The following VPS37C variants were observed in gnomAD, a reference collection of about 807,000 sequenced individuals.
VPS37C encodes VPS37C subunit of ESCRT-I.
VPS37C carries 9 observed loss-of-function variants against 16.1 expected under a neutral mutation model. That is an observed-to-expected ratio of 0.56 (90% CI 0.34 to 0.97). The LOEUF (loss-of-function observed/expected upper bound fraction) is 0.97. Among genes scored for constraint, VPS37C ranks in the 50% least tolerant of loss-of-function variants. VPS37C has a pLI of 0.02. For synonymous variants in VPS37C, 207 were observed against 206.4 expected (o/e 1.00, Z -0.02); for missense variants, 479 against 472.7 (o/e 1.01, Z -0.12).
rs1327649061 is a variant in VPS37C at position 61,130,961 on chromosome 11, G to A, written c.*859C>T. 3 of 350,222 alleles carry A rather than the reference G, an allele frequency of 8.6e-6. No individual in the cohort carries two copies. The highest frequency in any genetic ancestry group is 1.6e-5 in the Non-Finnish European group (3 of 183,946). The allele number at this position is 350,222 out of a possible 1,614,324, so 21.7% of individuals were successfully genotyped here. A position where few individuals can be genotyped will look rare whatever the true frequency, so the allele number is the denominator to read the frequency against. On this transcript the variant is annotated 3_prime_UTR_variant, in exon 5 of 5. Coordinates refer to ENST00000301765, the MANE Select transcript of VPS37C (RefSeq NM_017966.5). ...GGAGTGGATGGATGCGTGGGCCTCG[G>A]GCAAAGTCGCCCTAAAGTGGGGACC...
intron 1 of VPS37C, among the ~76,000 whole-genome samples, chr11:61,154,005 G>A (rs975935100): frequency 2.0e-5 from 3 of 152,238 alleles, no homozygotes; most frequent in African/African-American, 4.8e-5. Context: ...TTGGTAGTGA[G>A]GAAAAATCAG....
chr11:61,150,101 G>C (rs1432647169), intron 1 of VPS37C, among the ~76,000 whole-genome samples: 1 of 152,068 alleles, frequency 6.6e-6, no homozygotes, highest in East Asian at 1.9e-4. Flanking sequence ...AGCATTCCTA[G>C]ATCTCCACTC....
intron 1 of VPS37C, among the ~76,000 whole-genome samples, chr11:61,159,552 T>C (rs1042917712): frequency 2.6e-5 from 4 of 151,976 alleles, no homozygotes; most frequent in Admixed American, 6.6e-5. Context: ...CCTAGCACTT[T>C]GGGAGGCCAA....
intron 1 of VPS37C, among the ~76,000 whole-genome samples, chr11:61,145,811 G>T (rs568513927): frequency 6.6e-6 from 1 of 152,258 alleles, no homozygotes; most frequent in South Asian, 2.1e-4. Context: ...TGTCCTTCGG[G>T]GACCCAGAGT....
Position 61,133,494 on chromosome 11 carries a change from A to G in VPS37C, c.266-157T>C, listed in dbSNP as rs367819799. ...TGGGCTTGATGAGCACTTTTGGTCC[A>G]GTTCCTTCCTGAGCAGAGAAGGGCC... On this transcript the variant is annotated intron_variant, in intron 3 of 4. Coordinates refer to ENST00000301765, the MANE Select transcript of VPS37C (RefSeq NM_017966.5). Among the ~76,000 whole-genome samples the G allele has an allele frequency of 3.9e-5, 6 of 152,354 alleles. No homozygotes were observed. The East Asian group carries it at 9.6e-4, about 24-fold the overall frequency.
chr11:61,139,317 A>G (rs938678226), intron 1 of VPS37C, among the ~76,000 whole-genome samples: 4 of 152,158 alleles, frequency 2.6e-5, no homozygotes, highest in Non-Finnish European at 5.9e-5. Context: ...TCACTGGTTC[A>G]ACTATGTCAC....
chr11:61,147,711 G>C (rs965278316), intron 1 of VPS37C, among the ~76,000 whole-genome samples: 1 of 150,650 alleles, frequency 6.6e-6, no homozygotes, highest in African/African-American at 2.5e-5. Flanking sequence ...AAAAAAAAAA[G>C]CTGGACTGCA....
chr11:61,133,694 A>C (rs969088065), intron 3 of VPS37C, among the ~76,000 whole-genome samples: 1 of 152,144 alleles, frequency 6.6e-6, no homozygotes, highest in Non-Finnish European at 1.5e-5. Context: ...CCACCTTCAA[A>C]GGTGACAGGT....
chr11:61,147,218 G>C (rs1853226027), intron 1 of VPS37C, among the ~76,000 whole-genome samples: 1 of 152,086 alleles, frequency 6.6e-6, no homozygotes, highest in Admixed American at 6.5e-5. Flanking sequence ...CAAGAATCCT[G>C]GAGCCCCACC....
In VPS37C at chr11:61,139,750, T is replaced by TTG. The variant is rs1470430246; in HGVS notation, c.-6-916_-6-915insCA. ...GAGGTGCATTCCATAGCTTTTTTTT[T>TTG]TTTTTTTTTTTGAGACATGGTCTGG... is the stretch of plus-strand genomic sequence containing the variant. On this transcript the variant is annotated intron_variant, in intron 1 of 4. Coordinates refer to ENST00000301765, the MANE Select transcript of VPS37C (RefSeq NM_017966.5). 7.9e-5 allele frequency among the ~76,000 whole-genome samples: 12 copies of TTG among 151,290 alleles called. No homozygotes were observed. In the South Asian group the frequency reaches 1.5e-3, roughly 18 times the overall value.
chr11:61,140,783 GTAGCAGCAGCCA>G (rs1170837732), intron 1 of VPS37C, among the ~76,000 whole-genome samples: 1 of 152,218 alleles, frequency 6.6e-6, no homozygotes, highest in African/African-American at 2.4e-5. Flanking sequence ...ACAAGGAGAG[GTAGCAGCAGCCA>G]TGTCATATGC....
intron 1 of VPS37C, among the ~76,000 whole-genome samples, chr11:61,140,567 A>G (rs1861457904): frequency 6.6e-6 from 1 of 152,186 alleles, no homozygotes; most frequent in African/African-American, 2.4e-5. Flanking sequence ...CACTGACCAT[A>G]CAGGTGGCCA....
intron 1 of VPS37C, among the ~76,000 whole-genome samples, chr11:61,151,415 A>G (rs1028952794): frequency 6.6e-6 from 1 of 152,218 alleles, no homozygotes; most frequent in Non-Finnish European, 1.5e-5. Flanking sequence ...TCAGCTCTGC[A>G]GGGGAGACCC....
At chr11:61,153,038 A>AC (rs1321827552) in intron 1 of VPS37C, among the ~76,000 whole-genome samples, 11 of 152,206 alleles carry the variant, frequency 7.2e-5, no homozygotes, top group African/African-American at 2.7e-4. Context: ...CCCCAAGGGC[A>AC]CAGCCCATGT....
In VPS37C at chr11:61,133,322, G is replaced by A. The variant is rs748784543; in HGVS notation, c.281C>T (p.Ala94Val). The part of the protein sequence containing the change: ...QKAKLEKFSS[A>V]LQPGTLLDLL... The stretch of plus-strand genomic sequence containing the variant: ...GTCTAACAAGGTCCCTGGCTGCAGT[G>A]CTGAAGAAAATTTCTCTGGAAGGGA... The change falls in exon 4 of 5, where the codon GCA (alanine) becomes GTA (valine). Residue 94 changes from alanine (A) to valine (V), a missense_variant. Ala to Val is a moderately conservative substitution (Grantham distance 64). Coordinates refer to ENST00000301765, the MANE Select transcript of VPS37C (RefSeq NM_017966.5). 6.2e-6 allele frequency: 10 copies of A among 1,614,134 alleles called. No homozygotes were observed. The East Asian group carries it at 2.2e-4, about 36-fold the overall frequency.
intron 1 of VPS37C, chr11:61,143,362 A>ATTTTTTTTTT (rs779076399): frequency 1.9e-5 from 1 of 52,246 alleles, no homozygotes; most frequent in Non-Finnish European, 3.2e-5. Context: ...AGGATTCTTA[A>ATTTTTTTTTT]TTTTTTTTTT....
chr11:61,134,619 A>G (rs1278387532), intron 2 of VPS37C, among the ~76,000 whole-genome samples: 1 of 152,236 alleles, frequency 6.6e-6, no homozygotes, highest in Non-Finnish European at 1.5e-5. Flanking sequence ...CAAGAGACCT[A>G]CCATGGTGGG....
At chr11:61,160,459 T>C (rs767370175) in intron 1 of VPS37C, among the ~76,000 whole-genome samples, 3 of 152,100 alleles carry the variant, frequency 2.0e-5, no homozygotes, top group South Asian at 4.2e-4. Flanking sequence ...GGTGCATTAG[T>C]AGGAAATGGG....
intron 1 of VPS37C, among the ~76,000 whole-genome samples, chr11:61,141,421 G>C (rs1358439427): frequency 1.3e-5 from 2 of 151,824 alleles, no homozygotes; most frequent in African/African-American, 4.8e-5. Context: ...AGCAGGGAAA[G>C]AGCAGCCTGC....
Sources: gnomAD v4.1 joint callset for allele counts (sites outside exome capture counted in the v4.1 genomes callset) on GRCh38, gnomAD v4.1.1 for gene constraint, MANE v1.5 for transcripts, NCBI Gene and HGNC (gene_info 2026-07-23, HGNC 2026-07-21) for gene names.